ZNF469: variants seen among roughly 807,000 people sequenced by gnomAD.
ZNF469 encodes the protein zinc finger protein 469.
A neutral mutation model predicts 1.0 loss-of-function variants in ZNF469; 1 was observed. The observed-to-expected ratio is 1.00, with a 90% CI of 0.35 to 4.73. The LOEUF (loss-of-function observed/expected upper bound fraction) is 4.73. Among genes scored for constraint, ZNF469 ranks in the 30% most tolerant of loss-of-function variants. ZNF469 has a pLI of 0.16. For missense variants in ZNF469, 6,100 were observed against 5,356.3 expected, an observed-to-expected ratio of 1.14 and a Z score of -4.33; for synonymous variants, 2,703 against 2,363.4, an observed-to-expected ratio of 1.14 and a Z score of -4.17.
At chr16:88,338,584 C>T in the ZNF469 span, among the ~76,000 whole-genome samples, 3 of 152,226 alleles carry the variant, frequency 2.0e-5, no homozygotes, top group Non-Finnish European at 4.4e-5. Flanking sequence ...AACACGGAGG[C>T]CAGAGGCCTC....
At chr16:88,295,481 G>T in the ZNF469 span, among the ~76,000 whole-genome samples, 1 of 150,688 alleles carries the variant, frequency 6.6e-6, no homozygotes, top group Non-Finnish European at 1.5e-5. Flanking sequence ...CGTCATCTTG[G>T]GCCCCCAGGA....
chr16:88,243,613 G>T, the ZNF469 span, among the ~76,000 whole-genome samples: 2 of 152,022 alleles, frequency 1.3e-5, no homozygotes, highest in African/African-American at 4.8e-5. Flanking sequence ...GTTAGCAGGT[G>T]GTCCAGAGGA....
the ZNF469 span, among the ~76,000 whole-genome samples, chr16:88,238,526 G>C: frequency 1.3e-5 from 2 of 152,184 alleles, no homozygotes; most frequent in Non-Finnish European, 2.9e-5. Flanking sequence ...AGACTGCCTG[G>C]GTCTTTCCAA....
chr16:88,226,917 T>C, the ZNF469 span, among the ~76,000 whole-genome samples: 1 of 152,118 alleles, frequency 6.6e-6, no homozygotes, highest in Non-Finnish European at 1.5e-5. Context: ...GCCCCCTGTG[T>C]TCCACCCGGG....
At position 88,436,502 on chromosome 16, in the gene ZNF469, C is replaced by G; in HGVS notation, c.9032C>G (p.Ser3011Cys). 1 of 1,548,476 alleles carries G rather than the reference C, an allele frequency of 6.5e-7. No individual in the cohort carries two copies. Among genetic ancestry groups the G allele is most frequent in the Non-Finnish European group, 8.7e-7 (1 of 1,146,946 alleles). Residue 3011 changes from serine to cysteine, a missense_variant, in exon 3 of 3, where the codon TCT becomes TGT. Coordinates refer to ENST00000565624, the MANE Select transcript of ZNF469 (RefSeq NM_001367624.2). ...CCGGCCCCTGCCGATGACTCCTCCT[C>G]TTCTCTCGGAGATGTGAGCCCCGAG... ...EMPAPADDSSSSLGDVSPEPP... is the reference protein window; with the variant it reads ...EMPAPADDSSCSLGDVSPEPP...
chr16:88,232,273 G>A, the ZNF469 span, among the ~76,000 whole-genome samples: 6 of 152,292 alleles, frequency 3.9e-5, no homozygotes, highest in East Asian at 3.9e-4. Flanking sequence ...CACAGCCATC[G>A]GGCTGTTTCA....
At chr16:88,146,499 A>G in the ZNF469 span, among the ~76,000 whole-genome samples, 1 of 151,930 alleles carries the variant, frequency 6.6e-6, no homozygotes, top group African/African-American at 2.4e-5. Context: ...GCCCGGGGAG[A>G]GTGGCACCCT....
intron 1 of ZNF469, among the ~76,000 whole-genome samples, chr16:88,393,943 C>A (rs921264583): frequency 6.6e-6 from 1 of 152,238 alleles, no homozygotes; most frequent in South Asian, 2.1e-4. Context: ...CATGCTACAC[C>A]TCTGCTGTCC....
chr16:88,270,705 C>G, the ZNF469 span, among the ~76,000 whole-genome samples: 1 of 152,364 alleles, frequency 6.6e-6, no homozygotes, highest in Admixed American at 6.5e-5. Flanking sequence ...TCCTCTGCCT[C>G]TTGTTTTTCT....
chr16:88,259,746 A>G, the ZNF469 span, among the ~76,000 whole-genome samples: 5 of 152,190 alleles, frequency 3.3e-5, no homozygotes, highest in East Asian at 3.9e-4. This position sits in a 1 kb window ranked among gnomAD's most constrained non-coding sequence, Gnocchi z 4.1. Context: ...GTGGCCCCCA[A>G]GCGGCCTCCC....
chr16:88,258,322 C>G, the ZNF469 span, among the ~76,000 whole-genome samples: 1 of 152,174 alleles, frequency 6.6e-6, no homozygotes, highest in Admixed American at 6.5e-5. Flanking sequence ...AGACCACCTG[C>G]TGACATTTGA....
At chr16:88,347,526 C>T in the ZNF469 span, among the ~76,000 whole-genome samples, 8 of 152,212 alleles carry the variant, frequency 5.3e-5, no homozygotes, top group African/African-American at 1.7e-4. Context: ...CCAGCCCCAC[C>T]ATCTTCACTT....
At chr16:88,389,029 C>T (rs140250926) in intron 1 of ZNF469, among the ~76,000 whole-genome samples, 1 of 152,242 alleles carries the variant, frequency 6.6e-6, no homozygotes, top group East Asian at 1.9e-4. Context: ...ATAAAGCTCT[C>T]GAGTCACATA....
chr16:88,200,479 C>T, the ZNF469 span, among the ~76,000 whole-genome samples: 112 of 152,356 alleles, frequency 7.4e-4, no homozygotes, highest in Middle Eastern at 3.4e-3. Context: ...GGAGCGAATG[C>T]ACTCCAGCCC....
the ZNF469 span, among the ~76,000 whole-genome samples, chr16:88,345,547 C>T: frequency 6.6e-6 from 1 of 152,100 alleles, no homozygotes; most frequent in Non-Finnish European, 1.5e-5. Context: ...CACGTCACTG[C>T]CCTCTGTAAG....
At position 88,416,968 on chromosome 16, in the gene ZNF469, C is replaced by T. The variant is rs895609733; in HGVS notation, c.-191-7839C>T. Among the ~76,000 whole-genome samples the T allele has an allele frequency of 3.3e-5, 5 of 152,354 alleles. No homozygotes were observed. The South Asian group carries it at 6.2e-4, about 19-fold the overall frequency. ...AGGTCAGCCACCCACACACTCAGGG[C>T]GTCCTCCTGGGGTCCCGTGGAGTCT... On this transcript the variant is annotated intron_variant, in intron 1 of 2. Transcript: ENST00000565624.
the ZNF469 span, among the ~76,000 whole-genome samples, chr16:88,366,880 C>G: frequency 6.6e-6 from 1 of 152,124 alleles, no homozygotes; most frequent in African/African-American, 2.4e-5. Flanking sequence ...TCACCACCAC[C>G]ATCATCACCG....
chr16:88,317,152 G>C, the ZNF469 span, among the ~76,000 whole-genome samples: 1 of 152,222 alleles, frequency 6.6e-6, no homozygotes, highest in Admixed American at 6.5e-5. Context: ...TGATCTCAGG[G>C]CTGAAGCCCT....
At chr16:88,184,210 G>A in the ZNF469 span, among the ~76,000 whole-genome samples, 1 of 152,092 alleles carries the variant, frequency 6.6e-6, no homozygotes, top group Admixed American at 6.5e-5. Context: ...ACTCAGCTCC[G>A]TGCCAGGGAA....
Sources: allele counts gnomAD v4.1 joint callset (sites outside exome capture counted in the v4.1 genomes callset), GRCh38; gene constraint gnomAD v4.1.1; non-coding constraint Gnocchi (gnomAD v3.1); transcripts MANE v1.5; gene names NCBI Gene and HGNC (gene_info 2026-07-23, HGNC 2026-07-21).